CHCHD3: variants seen among roughly 807,000 people sequenced by gnomAD.
The protein encoded by CHCHD3 is MICOS complex subunit MIC19.
Under a neutral mutation model 38.2 loss-of-function variants are expected in CHCHD3, and 20 were observed. The ratio of observed to expected loss-of-function variants is 0.52; its 90% CI spans 0.37 to 0.76. CHCHD3 has a LOEUF of 0.76. CHCHD3 is among the 30% of genes least tolerant of loss of function. The pLI is 0.00. For missense variants in CHCHD3, 245 were observed against 279.2 expected, an observed-to-expected ratio of 0.88 and a Z score of 0.87; for synonymous variants, 82 against 100.0, an observed-to-expected ratio of 0.82 and a Z score of 1.07.
At chr7:132,947,828 T>C (rs916959745) in intron 4 of CHCHD3, among the ~76,000 whole-genome samples, 2 of 152,076 alleles carry the variant, frequency 1.3e-5, no homozygotes, top group African/African-American at 2.4e-5. Context: ...AGTCAATTTA[T>C]GTAATTAAAC....
chr7:132,937,692 C>T (rs916336597), intron 4 of CHCHD3, among the ~76,000 whole-genome samples: 9 of 152,204 alleles, frequency 5.9e-5, no homozygotes, highest in African/African-American at 2.2e-4. Flanking sequence ...CTTCAAGCTA[C>T]TAATGGAAGC....
rs780123643 is a variant in CHCHD3, at chr7:133,024,584, T to C, written c.213A>G (p.Ala71=). The part of the protein sequence containing the change: ...ELKRRVAEEL[A]LEQAKKESED... The stretch of plus-strand genomic sequence containing the variant: ...CGGATTCTTTCTTGGCTTGCTCCAA[T>C]GCCAGCTCCTCAGCTACTCTTCTTT... Residue 71 remains alanine (A), a synonymous_variant, in exon 3 of 8, where the codon GCA becomes GCG. Transcript: ENST00000262570. The C allele has an allele frequency of 5.9e-5, 96 of 1,613,830 alleles. No individual in the cohort carries two copies. The highest frequency in any genetic ancestry group is 7.8e-5 in the Non-Finnish European group (92 of 1,179,828).
At chr7:133,049,301 T>A (rs868539494) in intron 2 of CHCHD3, among the ~76,000 whole-genome samples, 2 of 152,220 alleles carry the variant, frequency 1.3e-5, no homozygotes, top group Non-Finnish European at 2.9e-5. Context: ...ATAAATACTA[T>A]AATGTACAGA....
intron 3 of CHCHD3, among the ~76,000 whole-genome samples, chr7:133,014,329 C>CAAA (rs35895641): frequency 1.6e-5 from 2 of 121,506 alleles, no homozygotes; most frequent in Admixed American, 8.4e-5. Context: ...GGGGATAACT[C>CAAA]AAAAAAAAAA....
chr7:132,984,237 A>T (rs1463687786), intron 3 of CHCHD3, among the ~76,000 whole-genome samples: 1 of 151,228 alleles, frequency 6.6e-6, no homozygotes, highest in Non-Finnish European at 1.5e-5. Flanking sequence ...TGGTTTTCGT[A>T]TTTTTTTGGT....
intron 3 of CHCHD3, among the ~76,000 whole-genome samples, chr7:133,023,976 C>A (rs1813262721): frequency 6.6e-6 from 1 of 152,058 alleles, no homozygotes; most frequent in Non-Finnish European, 1.5e-5. Flanking sequence ...TGGCAACAAT[C>A]AGATGGAAGT....
rs150144010 is a variant in CHCHD3 at position 132,789,091 on chromosome 7, T to C, written c.661-3431A>G. 3.1e-3 allele frequency among the ~76,000 whole-genome samples: 474 copies of C among 152,334 alleles called. 3 individuals carry two copies. Among genetic ancestry groups the C allele is most frequent in the African/African-American group, 0.011 (443 of 41,570 alleles). On this transcript the variant is annotated intron_variant, in intron 7 of 7. Coordinates refer to ENST00000262570, the MANE Select transcript of CHCHD3 (RefSeq NM_017812.4). ...CCGTAGTCTGGTGGGGTCTGTGTTA[T>C]TCAGCTTTCACCTTATAGGTTCTAC...
At chr7:133,043,155 A>G (rs1813879246) in intron 2 of CHCHD3, among the ~76,000 whole-genome samples, 1 of 152,210 alleles carries the variant, frequency 6.6e-6, no homozygotes, top group African/African-American at 2.4e-5. Context: ...GCCGTGAACC[A>G]TCACACCCAA....
chr7:132,872,212 G>A (rs1299067411), intron 5 of CHCHD3, among the ~76,000 whole-genome samples: 2 of 152,178 alleles, frequency 1.3e-5, no homozygotes, highest in Admixed American at 6.5e-5. Flanking sequence ...GACCTGAAAC[G>A]AGAGAGTTGA....
At chr7:133,076,668 C>A (rs748575589) in intron 1 of CHCHD3, among the ~76,000 whole-genome samples, 1 of 152,164 alleles carries the variant, frequency 6.6e-6, no homozygotes, top group Admixed American at 6.5e-5. Context: ...TATCCAAAAT[C>A]CGTGCCAGAA....
At chr7:133,071,400 C>T (rs1218756292) in intron 1 of CHCHD3, among the ~76,000 whole-genome samples, 1 of 152,128 alleles carries the variant, frequency 6.6e-6, no homozygotes, top group South Asian at 2.1e-4. Flanking sequence ...GGTAGAGATT[C>T]CAAATTTTGA....
At chr7:132,984,197 C>A (rs564884675) in intron 3 of CHCHD3, among the ~76,000 whole-genome samples, 1 of 151,588 alleles carries the variant, frequency 6.6e-6, no homozygotes, top group African/African-American at 2.4e-5. Flanking sequence ...CGAGTGCCTG[C>A]GATTGCAGGC....
chr7:132,850,475 T>C (rs1445099051), intron 5 of CHCHD3, among the ~76,000 whole-genome samples: 2 of 150,440 alleles, frequency 1.3e-5, no homozygotes, highest in Non-Finnish European at 3.0e-5. Flanking sequence ...CTTGATTTGG[T>C]TTTCTAATTA....
intron 3 of CHCHD3, among the ~76,000 whole-genome samples, chr7:133,010,775 C>G (rs949384408): frequency 2.0e-5 from 3 of 152,094 alleles, no homozygotes; most frequent in African/African-American, 7.2e-5. Context: ...CATAGGGTTT[C>G]GTCATGTTGG....
intron 5 of CHCHD3, among the ~76,000 whole-genome samples, chr7:132,857,860 A>C (rs1214005468): frequency 6.6e-6 from 1 of 152,196 alleles, no homozygotes; most frequent in Admixed American, 6.5e-5. Flanking sequence ...TCGGAGCTGA[A>C]GGAGAGTAAA....
intron 5 of CHCHD3, among the ~76,000 whole-genome samples, chr7:132,840,838 G>A (rs1411617433): frequency 6.6e-6 from 1 of 152,058 alleles, no homozygotes; most frequent in Non-Finnish European, 1.5e-5. Context: ...TCTCTGCTTT[G>A]CCATGCCAAA....
chr7:132,962,969 G>A (rs1013083183), intron 4 of CHCHD3, among the ~76,000 whole-genome samples: 9 of 151,964 alleles, frequency 5.9e-5, no homozygotes, highest in Non-Finnish European at 1.0e-4. Context: ...ATATTATTGA[G>A]AAAATTGACA....
At chr7:132,886,302 T>C (rs1382712500) in intron 4 of CHCHD3, among the ~76,000 whole-genome samples, 1 of 152,038 alleles carries the variant, frequency 6.6e-6, no homozygotes, top group East Asian at 1.9e-4. Context: ...TCATAATAAA[T>C]AACCATATTT....
At chr7:132,954,666 T>A (rs1325845157) in intron 4 of CHCHD3, among the ~76,000 whole-genome samples, 2 of 152,048 alleles carry the variant, frequency 1.3e-5, no homozygotes, top group African/African-American at 2.4e-5. Context: ...GCAGGCCCAA[T>A]TCCTCAGATG....
Sources: gnomAD v4.1 joint callset for allele counts (sites outside exome capture counted in the v4.1 genomes callset) on GRCh38, gnomAD v4.1.1 for gene constraint, MANE v1.5 for transcripts, NCBI Gene and HGNC (gene_info 2026-07-23, HGNC 2026-07-21) for gene names.